The following NRXN3 variants were observed in gnomAD, a reference collection of about 807,000 sequenced individuals.
NRXN3 encodes neurexin III.
In NRXN3, 32 loss-of-function variants were observed where a neutral mutation model predicts 137.6. The observed-to-expected ratio is 0.23, with a 90% confidence interval of 0.18 to 0.31. The LOEUF (loss-of-function observed/expected upper bound fraction) is 0.31, where lower values mean the gene tolerates loss of function less well. Among genes scored for constraint, NRXN3 ranks in the 10% least tolerant of loss-of-function variants. The pLI is 1.00. For synonymous variants in NRXN3, 798 were observed against 784.5 expected (o/e 1.02, Z -0.29); for missense variants, 1,574 against 2,062.5 (o/e 0.76, Z 4.59).
chr14:79,329,156 G>A (rs1403276573), intron 15 of NRXN3, among the ~76,000 whole-genome samples: 1 of 152,182 alleles, frequency 6.6e-6, no homozygotes, highest in African/African-American at 2.4e-5. Context: ...CAGAGTAGAT[G>A]TGAGAGACTT....
At chr14:78,335,783 C>T (rs1211799302) in intron 4 of NRXN3, among the ~76,000 whole-genome samples, 1 of 152,112 alleles carries the variant, frequency 6.6e-6, no homozygotes, top group African/African-American at 2.4e-5. Flanking sequence ...GCACTCTCTG[C>T]ATGAAAAGCC....
At chr14:78,958,363 T>TTC (rs1372339885) in intron 11 of NRXN3, among the ~76,000 whole-genome samples, 2 of 146,292 alleles carry the variant, frequency 1.4e-5, no homozygotes, top group Non-Finnish European at 3.0e-5. Context: ...CTTTCTTTCT[T>TTC]TTTTTTTTTT....
At chr14:78,853,522 A>G (rs2099048698) in intron 10 of NRXN3, among the ~76,000 whole-genome samples, 1 of 152,154 alleles carries the variant, frequency 6.6e-6, no homozygotes, top group African/African-American at 2.4e-5. Flanking sequence ...TAATTTCTTA[A>G]TACATATTAT....
intron 14 of NRXN3, among the ~76,000 whole-genome samples, chr14:78,977,106 A>G (rs1236006519): frequency 1.3e-5 from 2 of 152,192 alleles, no homozygotes; most frequent in African/African-American, 4.8e-5. Flanking sequence ...AGAGTTTAAT[A>G]TCACCAGCCC....
chr14:79,591,371 G>T (rs999288124), intron 16 of NRXN3, among the ~76,000 whole-genome samples: 5 of 152,130 alleles, frequency 3.3e-5, no homozygotes, highest in Non-Finnish European at 7.3e-5. Flanking sequence ...TTGTCAATAA[G>T]CAATCCAGTG....
At chr14:78,913,274 C>CTTTTT (rs1157942892) in intron 10 of NRXN3, among the ~76,000 whole-genome samples, 502 of 47,864 alleles carry the variant, frequency 0.01, 1 homozygote, top group Middle Eastern at 0.017. Context: ...TTCTTTCTTT[C>CTTTTT]TTTTTTTTTT....
chr14:79,034,817 A>G (rs1449226629), intron 15 of NRXN3, among the ~76,000 whole-genome samples: 1 of 152,112 alleles, frequency 6.6e-6, no homozygotes, highest in Non-Finnish European at 1.5e-5. Flanking sequence ...GATTATATAA[A>G]ATTGAGTTTT....
intron 10 of NRXN3, among the ~76,000 whole-genome samples, chr14:78,928,096 A>C (rs1173810008): frequency 2.0e-5 from 3 of 152,144 alleles, no homozygotes; most frequent in Admixed American, 1.3e-4. Context: ...GTCCACAGCA[A>C]TAGTGGGGTT....
intron 19 of NRXN3, among the ~76,000 whole-genome samples, chr14:79,793,534 G>A (rs1222299522): frequency 1.3e-5 from 2 of 152,218 alleles, no homozygotes; most frequent in Admixed American, 6.5e-5. Flanking sequence ...CTGAAACCAT[G>A]TCACACTCCT....
chr14:78,688,771 T>C (rs563804273), intron 6 of NRXN3, among the ~76,000 whole-genome samples: 125 of 152,128 alleles, frequency 8.2e-4, no homozygotes, highest in African/African-American at 3.0e-3. Context: ...GAAAAACCAG[T>C]GCCAGCATAA....
intron 10 of NRXN3, among the ~76,000 whole-genome samples, chr14:78,883,975 G>A (rs1233658271): frequency 1.3e-5 from 2 of 152,182 alleles, no homozygotes; most frequent in African/African-American, 4.8e-5. Flanking sequence ...ATGGTCAAGT[G>A]TCATTGAGTG....
chr14:79,240,256 C>T (rs928712124), intron 15 of NRXN3, among the ~76,000 whole-genome samples: 3 of 152,024 alleles, frequency 2.0e-5, no homozygotes, highest in Non-Finnish European at 4.4e-5. Flanking sequence ...TGAAGACCAT[C>T]TTCTTTCTTC....
intron 16 of NRXN3, among the ~76,000 whole-genome samples, chr14:79,519,434 C>T (rs1601568045): frequency 6.6e-6 from 1 of 151,954 alleles, no homozygotes; most frequent in East Asian, 1.9e-4. Context: ...TATGAATTGG[C>T]CCTTTATGTT....
At chr14:78,544,507 A>G (rs2096620556) in intron 4 of NRXN3, among the ~76,000 whole-genome samples, 2 of 152,214 alleles carry the variant, frequency 1.3e-5, no homozygotes, top group Admixed American at 6.5e-5. Flanking sequence ...ATAATCGGGA[A>G]AAGTCCATTC....
intron 15 of NRXN3, among the ~76,000 whole-genome samples, chr14:79,255,253 C>A (rs1426380435): frequency 1.3e-5 from 2 of 152,234 alleles, no homozygotes; most frequent in African/African-American, 4.8e-5. Flanking sequence ...ATAGTGCCGT[C>A]ATAGAGGCAT....
chr14:78,519,495 C>A (rs567576119), intron 4 of NRXN3, among the ~76,000 whole-genome samples: 80 of 152,186 alleles, frequency 5.3e-4, no homozygotes, highest in African/African-American at 1.8e-3. Context: ...ACCATTTATT[C>A]ATTAATTTAT....
intron 4 of NRXN3, among the ~76,000 whole-genome samples, chr14:78,393,159 G>T (rs546053719): frequency 2.0e-5 from 3 of 151,866 alleles, no homozygotes; most frequent in Non-Finnish European, 4.4e-5. Flanking sequence ...CAAGGAAGAG[G>T]TCTAGCATGT....
intron 16 of NRXN3, among the ~76,000 whole-genome samples, chr14:79,483,920 C>T (rs879413357): frequency 6.6e-6 from 1 of 152,096 alleles, no homozygotes; most frequent in Non-Finnish European, 1.5e-5. Flanking sequence ...CACAGCCACT[C>T]CTATTCACAC....
chr14:78,456,863 T>TTCTTTCTTTCTTTCTTTCTTTTTC (rs2094743743), intron 4 of NRXN3, among the ~76,000 whole-genome samples: 2 of 121,822 alleles, frequency 1.6e-5, no homozygotes, highest in Non-Finnish European at 3.7e-5. Context: ...CTTTTTCTCT[T>TTCTTTCTTTCTTTCTTTCTTTTTC]TCTTTCTTTC....
Sources: allele counts gnomAD v4.1 joint callset (sites outside exome capture counted in the v4.1 genomes callset), GRCh38; gene constraint gnomAD v4.1.1; transcripts MANE v1.5; gene names NCBI Gene and HGNC (gene_info 2026-07-23, HGNC 2026-07-21).